STT3B: variants seen among roughly 807,000 people sequenced by gnomAD.
The protein encoded by STT3B is STT3 oligosaccharyltransferase complex catalytic subunit B.
STT3B carries 29 observed loss-of-function variants against 96.8 expected under a neutral mutation model. The observed-to-expected ratio is 0.30, with a 90% CI of 0.22 to 0.41. STT3B has a LOEUF of 0.41. Among genes scored for constraint, STT3B ranks in the 10% least tolerant of loss-of-function variants. The pLI, the probability that STT3B is intolerant of heterozygous loss-of-function variation, is 1.00. For missense variants in STT3B, 640 were observed against 1,022.3 expected, an observed-to-expected ratio of 0.63 and a Z score of 5.10; for synonymous variants, 367 against 360.0, an observed-to-expected ratio of 1.02 and a Z score of -0.22.
intron 6 of STT3B, among the ~76,000 whole-genome samples, 167 bp downstream of exon 6, chr3:31,615,370 T>C (rs1035677589): frequency 2.0e-5 from 3 of 151,908 alleles, no homozygotes; most frequent in Non-Finnish European, 2.9e-5. Flanking sequence ...TCAGAGATTC[T>C]CATTGCAAGG....
intron 3 of STT3B, among the ~76,000 whole-genome samples, chr3:31,591,877 T>C (rs922099327): frequency 2.0e-5 from 3 of 152,154 alleles, no homozygotes; most frequent in East Asian, 1.9e-4. Flanking sequence ...TGAAGGACTT[T>C]CTTTAATATT....
intron 3 of STT3B, among the ~76,000 whole-genome samples, chr3:31,593,536 T>G (rs1322897992): frequency 2.0e-5 from 3 of 152,128 alleles, no homozygotes; most frequent in African/African-American, 2.4e-5. Flanking sequence ...TTTTTATCTG[T>G]CTGTCTTTGT....
chr3:31,569,034 G>A (rs1337227280), intron 1 of STT3B, among the ~76,000 whole-genome samples: 1 of 151,978 alleles, frequency 6.6e-6, no homozygotes, highest in East Asian at 1.9e-4. Flanking sequence ...TTTAAAGACG[G>A]GATCTTGCTC....
chr3:31,552,870 G>A (rs1045574559), intron 1 of STT3B, among the ~76,000 whole-genome samples: 2 of 152,150 alleles, frequency 1.3e-5, no homozygotes, highest in South Asian at 2.1e-4. Flanking sequence ...TTGGGAGGCC[G>A]AGACGGGCGG....
intron 2 of STT3B, 24 bp downstream of exon 2, chr3:31,576,528 T>G: frequency 7.7e-7 from 1 of 1,297,756 alleles, no homozygotes; most frequent in Non-Finnish European, 1.1e-6. Context: ...CAGTTCTTTA[T>G]GTTAATTATA....
chr3:31,567,627 A>T (rs945460782), intron 1 of STT3B, among the ~76,000 whole-genome samples: 15 of 152,184 alleles, frequency 9.9e-5, no homozygotes, highest in African/African-American at 3.6e-4. Flanking sequence ...AAACATACGA[A>T]ACCCTTTGCC....
chr3:31,533,011 T>G lies in STT3B; in HGVS notation c.13T>G (p.Ser5Ala). The change falls in exon 1 of 16, where the codon TCG (serine) becomes GCG (alanine). Residue 5 changes from serine (S) to alanine (A), a missense_variant. By Grantham distance (99) the Ser-to-Ala change is moderately conservative. Around this residue, in one of 8 missense-constraint regions of STT3B, gnomAD observed 89 missense variants for 81.7 expected, o/e 1.09. Coordinates refer to ENST00000295770, the MANE Select transcript of STT3B (RefSeq NM_178862.3). MAEP[S>A]APESKHKSSL... ...GCCGGGGCACAACATGGCGGAGCCCTCGGCCCCGGAGAGCAAGCACAAGTC... is the reference window on the plus strand; with the variant it reads ...GCCGGGGCACAACATGGCGGAGCCCGCGGCCCCGGAGAGCAAGCACAAGTC... 1 of 1,589,014 alleles carries G rather than the reference T, an allele frequency of 6.3e-7. No homozygotes were observed. Among genetic ancestry groups the G allele is most frequent in the Non-Finnish European group, 8.6e-7 (1 of 1,169,214 alleles).
At chr3:31,590,843 A>C (rs1698648949) in intron 3 of STT3B, among the ~76,000 whole-genome samples, 1 of 152,042 alleles carries the variant, frequency 6.6e-6, no homozygotes, top group African/African-American at 2.4e-5. Flanking sequence ...TCTGGCTCCT[A>C]AGTGTAAATA....
chr3:31,634,161 G>C (rs1307297482), intron 15 of STT3B, among the ~76,000 whole-genome samples: 1 of 152,140 alleles, frequency 6.6e-6, no homozygotes, highest in Non-Finnish European at 1.5e-5. Flanking sequence ...GACATTCATT[G>C]TGTTAGTCAT....
intron 1 of STT3B, among the ~76,000 whole-genome samples, chr3:31,536,635 G>T (rs1010134027): frequency 3.9e-5 from 6 of 152,146 alleles, no homozygotes; most frequent in African/African-American, 1.2e-4. Context: ...TATCTTACCA[G>T]TTGTCATAAG....
At chr3:31,533,358 C>G (rs754587784) in intron 1 of STT3B, 46 bp downstream of exon 1, 1 of 1,422,390 alleles carries the variant, frequency 7.0e-7, no homozygotes, top group Non-Finnish European at 9.2e-7. Context: ...CGCGGGGAAC[C>G]GGGACCCGCT....
chr3:31,632,685 T>A (rs1310819193), intron 14 of STT3B, among the ~76,000 whole-genome samples: 1 of 133,928 alleles, frequency 7.5e-6, no homozygotes. Context: ...TTTTTTTTTT[T>A]AATGCCTTTA....
chr3:31,583,384 T>C (rs568537105), intron 3 of STT3B, among the ~76,000 whole-genome samples: 4 of 152,286 alleles, frequency 2.6e-5, no homozygotes, highest in African/African-American at 9.6e-5. Context: ...TTGCCCAGGC[T>C]GGTCTTGAAC....
intron 1 of STT3B, among the ~76,000 whole-genome samples, chr3:31,566,691 C>T (rs1002475845): frequency 9.2e-5 from 14 of 152,166 alleles, no homozygotes; most frequent in Non-Finnish European, 2.9e-5. Context: ...CTCATTTATA[C>T]CCTGCTTACA....
Position 31,622,327 on chromosome 3 carries a change from G to A in STT3B, c.1539+19G>A. 1 of 1,597,918 alleles carries A rather than the reference G, an allele frequency of 6.3e-7. No homozygotes were observed. Among genetic ancestry groups the A allele is most frequent in the Non-Finnish European group, 8.6e-7 (1 of 1,165,884 alleles). On this transcript the variant is annotated intron_variant, in intron 10 of 15. Transcript: ENST00000295770. Reference sequence around the variant, plus strand: ...TGATAAGGTGGGGAATCTAAAGTAAGGCCTTTAAATTGTCTATGTCCTTTC... The same window carrying A: ...TGATAAGGTGGGGAATCTAAAGTAAAGCCTTTAAATTGTCTATGTCCTTTC...
chr3:31,594,189 T>C (rs1292533756), intron 3 of STT3B, among the ~76,000 whole-genome samples: 2 of 152,200 alleles, frequency 1.3e-5, no homozygotes, highest in East Asian at 3.9e-4. Flanking sequence ...AGAAGACTTA[T>C]GTGACCTCAA....
At chr3:31,621,888 G>A (rs1010494689) in intron 9 of STT3B, among the ~76,000 whole-genome samples, 11 of 152,114 alleles carry the variant, frequency 7.2e-5, no homozygotes, top group Non-Finnish European at 1.6e-4. Context: ...TCTAAACTGT[G>A]GATGTGTAGG....
intron 8 of STT3B, among the ~76,000 whole-genome samples, chr3:31,619,274 AAC>A (rs1335235910): frequency 6.6e-6 from 1 of 152,184 alleles, no homozygotes; most frequent in African/African-American, 2.4e-5. Context: ...TAAAATCTGA[AAC>A]ACTGCTGGTT....
At chr3:31,539,044 T>G (rs1269693023) in intron 1 of STT3B, among the ~76,000 whole-genome samples, 1 of 152,124 alleles carries the variant, frequency 6.6e-6, no homozygotes, top group African/African-American at 2.4e-5. Context: ...TGTATGTTAA[T>G]CTGCATTTGT....
Sources: gnomAD v4.1 joint callset for allele counts (sites outside exome capture counted in the v4.1 genomes callset) on GRCh38, gnomAD v4.1.1 for gene constraint, gnomAD v4.1.1 regional missense constraint, MANE v1.5 for transcripts, NCBI Gene and HGNC (gene_info 2026-07-23, HGNC 2026-07-21) for gene names.